Variants in TNFRSF10C observed in about 807,000 individuals in gnomAD.
The protein encoded by TNFRSF10C is tumor necrosis factor receptor superfamily member 10C.
A neutral mutation model predicts 16.7 loss-of-function variants in TNFRSF10C; 17 were observed. That is an observed-to-expected ratio of 1.02 (90% CI 0.70 to 1.53). The LOEUF is 1.53. Ranked by LOEUF, TNFRSF10C falls within the 40% of genes most tolerant of loss-of-function variation. The pLI is 0.00. For synonymous variants in TNFRSF10C, 73 were observed against 119.7 expected (o/e 0.61, Z 2.55); for missense variants, 237 against 329.7 (o/e 0.72, Z 2.18).
chr8:23,115,736 G>A lies in TNFRSF10C; in HGVS notation c.389+120G>A, dbSNP rs371758644. 2.5e-3 allele frequency: 1,761 copies of A among 716,522 alleles called. 42 individuals are homozygous for A. In the South Asian group the frequency reaches 0.032, roughly 13 times the overall value. 44.4% of individuals were successfully genotyped at this position (716,522 alleles called of 1,614,324 possible). On this transcript the variant is annotated intron_variant, in intron 4 of 4. Coordinates refer to ENST00000356864, the MANE Select transcript of TNFRSF10C (RefSeq NM_003841.5). ...CTCCAGACCCATGGGGTGTCCCTGA[G>A]CCTGTGGGGTCTCTTGGGTCTGCAG...
At chr8:23,107,889 A>G (rs1283418332) in intron 1 of TNFRSF10C, among the ~76,000 whole-genome samples, 2 of 152,216 alleles carry the variant, frequency 1.3e-5, no homozygotes, top group African/African-American at 4.8e-5. Flanking sequence ...GTCTGTTGAA[A>G]GTAAATAGAT....
At chr8:23,113,128 A>G (rs938003076) in intron 2 of TNFRSF10C, among the ~76,000 whole-genome samples, 1 of 152,166 alleles carries the variant, frequency 6.6e-6, no homozygotes, top group Non-Finnish European at 1.5e-5. Flanking sequence ...TCCCACGCCC[A>G]TGTATCCATT....
chr8:23,107,674 A>G (rs1187235562), intron 1 of TNFRSF10C, among the ~76,000 whole-genome samples: 2 of 152,228 alleles, frequency 1.3e-5, no homozygotes, highest in Non-Finnish European at 2.9e-5. Flanking sequence ...GTGCAGGGGG[A>G]AAAGGAGTAA....
chr8:23,108,748 G>T (rs1168089591), intron 1 of TNFRSF10C, among the ~76,000 whole-genome samples: 2 of 152,186 alleles, frequency 1.3e-5, no homozygotes, highest in Non-Finnish European at 2.9e-5. Context: ...AGTGGCAAGC[G>T]ATCTGCACAC....
At chr8:23,104,898 T>A (rs974681775) in intron 1 of TNFRSF10C, among the ~76,000 whole-genome samples, 1 of 152,156 alleles carries the variant, frequency 6.6e-6, no homozygotes, top group African/African-American at 2.4e-5. Flanking sequence ...CCCTGGTCAG[T>A]TGGGGCCAGT....
At chr8:23,107,944 A>G (rs962162410) in intron 1 of TNFRSF10C, among the ~76,000 whole-genome samples, 6 of 152,228 alleles carry the variant, frequency 3.9e-5, no homozygotes, top group African/African-American at 7.2e-5. Flanking sequence ...GAAAACTGCC[A>G]TGGCTATCTC....
chr8:23,107,654 A>C (rs1268717164), intron 1 of TNFRSF10C, among the ~76,000 whole-genome samples: 1 of 152,252 alleles, frequency 6.6e-6, no homozygotes, highest in East Asian at 1.9e-4. Flanking sequence ...AAGGTAATTA[A>C]CATTAAAATG....
intron 2 of TNFRSF10C, among the ~76,000 whole-genome samples, chr8:23,114,181 G>A (rs1455381596): frequency 6.6e-6 from 1 of 152,104 alleles, no homozygotes; most frequent in East Asian, 1.9e-4. Context: ...CGGGGGCTTG[G>A]GGAGACTGAG....
chr8:23,111,378 A>G (rs1813874821), intron 1 of TNFRSF10C, among the ~76,000 whole-genome samples: 2 of 151,906 alleles, frequency 1.3e-5, no homozygotes, highest in African/African-American at 4.8e-5. Context: ...CACCACACCC[A>G]GCTAATTTTT....
At chr8:23,106,953 C>T (rs1014659679) in intron 1 of TNFRSF10C, among the ~76,000 whole-genome samples, 1 of 151,640 alleles carries the variant, frequency 6.6e-6, no homozygotes, top group Non-Finnish European at 1.5e-5. Context: ...GGAGATTGTC[C>T]TATGTTTCCC....
intron 2 of TNFRSF10C, among the ~76,000 whole-genome samples, chr8:23,113,014 G>C (rs1813909221): frequency 6.6e-6 from 1 of 152,138 alleles, no homozygotes; most frequent in African/African-American, 2.4e-5. Flanking sequence ...CATTCTTACA[G>C]GTGTGAAGTG....
chr8:23,107,825 C>T (rs538577963), intron 1 of TNFRSF10C, among the ~76,000 whole-genome samples: 1 of 152,288 alleles, frequency 6.6e-6, no homozygotes, highest in African/African-American at 2.4e-5. Context: ...GAAAGCAAGA[C>T]TCAACTATAT....
chr8:23,115,040 A>G (rs1337409140), intron 3 of TNFRSF10C, among the ~76,000 whole-genome samples: 40 of 151,366 alleles, frequency 2.6e-4, no homozygotes, highest in Middle Eastern at 3.4e-3. Flanking sequence ...GGACAGGGCT[A>G]GGTTTCAGTA....
At chr8:23,103,754 C>T (rs1053147798) in intron 1 of TNFRSF10C, among the ~76,000 whole-genome samples, 1 of 152,108 alleles carries the variant, frequency 6.6e-6, no homozygotes, top group African/African-American at 2.4e-5. Context: ...TAGGCAGGAC[C>T]GGGGCTGGCC....
chr8:23,112,604 T>C (rs1390220183), intron 2 of TNFRSF10C, among the ~76,000 whole-genome samples: 1 of 152,244 alleles, frequency 6.6e-6, no homozygotes, highest in Non-Finnish European at 1.5e-5. Context: ...TCACTTAGCA[T>C]AGTATCCTCC....
At chr8:23,104,777 A>G (rs1024827168) in intron 1 of TNFRSF10C, among the ~76,000 whole-genome samples, 4 of 152,086 alleles carry the variant, frequency 2.6e-5, no homozygotes, top group Admixed American at 2.6e-4. Context: ...TTGTTTCCTC[A>G]TGGTATTAGG....
chr8:23,117,113 T>C lies in TNFRSF10C; in HGVS notation c.*82T>C. The C allele has an allele frequency of 1.9e-6, 3 of 1,548,118 alleles. No individual in the cohort carries two copies. In the South Asian group the frequency reaches 3.7e-5, roughly 19 times the overall value. The stretch of plus-strand genomic sequence containing the variant: ...GCTGAGGGCGGGGGGCGCTGGACAC[T>C]CTCTGCCCTGCCTCCCTCTGCTGTG... On this transcript the variant is annotated 3_prime_UTR_variant, in exon 5 of 5. Coordinates refer to ENST00000356864, the MANE Select transcript of TNFRSF10C (RefSeq NM_003841.5).
rs773227509 is a variant in TNFRSF10C at position 23,103,194 on chromosome 8, C to G, written c.60+13C>G. The stretch of plus-strand genomic sequence containing the variant: ...GGTCCTGCTGCCAGTGAGTCCCGGC[C>G]GCGGTCCCTGGCTGGGGAAGAGCGC... On this transcript the variant is annotated intron_variant, in intron 1 of 4. Transcript: ENST00000356864. 8.7e-6 allele frequency: 14 copies of G among 1,606,210 alleles called. No individual in the cohort carries two copies. Among genetic ancestry groups the G allele is most frequent in the Non-Finnish European group, 9.3e-6 (11 of 1,176,964 alleles).
intron 1 of TNFRSF10C, among the ~76,000 whole-genome samples, chr8:23,107,443 G>A (rs779387807): frequency 1.3e-5 from 2 of 152,148 alleles, no homozygotes; most frequent in Non-Finnish European, 2.9e-5. Flanking sequence ...GTATACACAC[G>A]TCTCAATCTA....
Sources: gnomAD v4.1 joint callset for allele counts (sites outside exome capture counted in the v4.1 genomes callset) on GRCh38, gnomAD v4.1.1 for gene constraint, MANE v1.5 for transcripts, NCBI Gene and HGNC (gene_info 2026-07-23, HGNC 2026-07-21) for gene names.